ASH1L: variants seen among roughly 807,000 people sequenced by gnomAD.
The protein encoded by ASH1L is histone-lysine N-methyltransferase ASH1L.
In ASH1L, 23 loss-of-function variants were observed where a neutral mutation model predicts 269.0. That is an observed-to-expected ratio of 0.09 (90% CI 0.06 to 0.12). The LOEUF (loss-of-function observed/expected upper bound fraction) is 0.12, where lower values mean the gene tolerates loss of function less well. Among genes scored for constraint, ASH1L ranks in the 10% least tolerant of loss-of-function variants. ASH1L has a pLI of 1.00. For missense variants in ASH1L, 2,912 were observed against 3,567.8 expected (o/e 0.82, Z 4.68); for synonymous variants, 1,187 against 1,253.5 (o/e 0.95, Z 1.12).
Position 155,480,170 on chromosome 1 carries a change from T to G in ASH1L, c.2700A>C (p.Pro900=), listed in dbSNP as rs766465457. ...ACAGTACAGGTGGCTTCATCTTGACTGGTGACCTCATTTGCCTCTTAGGCC... is the reference window on the plus strand; with the variant it reads ...ACAGTACAGGTGGCTTCATCTTGACGGGTGACCTCATTTGCCTCTTAGGCC... ...RGRPKRQMRS[P]VKMKPPVLSV... Residue 900 remains proline, a synonymous_variant, in exon 3 of 28, where the codon CCA becomes CCC. Transcript: ENST00000392403. The G allele has an allele frequency of 1.9e-6, 3 of 1,614,196 alleles. No homozygotes were observed. In the South Asian group the frequency reaches 3.3e-5, roughly 18 times the overall value.
intron 2 of ASH1L, among the ~76,000 whole-genome samples, chr1:155,503,965 C>A (rs79133443): frequency 0.029 from 4,356 of 152,282 alleles, 89 homozygotes; most frequent in Non-Finnish European, 0.044. Context: ...TCAAGCCACC[C>A]ACCCACCCTG....
At chr1:155,421,230 T>TAAA (rs67434918) in intron 5 of ASH1L, among the ~76,000 whole-genome samples, 1 of 95,684 alleles carries the variant, frequency 1.0e-5, no homozygotes, top group Non-Finnish European at 2.0e-5. Flanking sequence ...TTCTGTGTCT[T>TAAA]AAAAAAAAAA....
intron 2 of ASH1L, among the ~76,000 whole-genome samples, chr1:155,498,386 C>T (rs1409851471): frequency 1.3e-5 from 2 of 152,046 alleles, no homozygotes; most frequent in Non-Finnish European, 2.9e-5. Flanking sequence ...TACAGGCACA[C>T]ACCACCATGC....
intron 5 of ASH1L, among the ~76,000 whole-genome samples, chr1:155,417,792 C>A (rs1346402617): frequency 6.6e-6 from 1 of 152,056 alleles, no homozygotes; most frequent in African/African-American, 2.4e-5. Context: ...AACCCCGTCT[C>A]TACTAAAAAT....
At chr1:155,491,698 T>A (rs1666800347) in intron 2 of ASH1L, among the ~76,000 whole-genome samples, 1 of 152,016 alleles carries the variant, frequency 6.6e-6, no homozygotes, top group Non-Finnish European at 1.5e-5. Context: ...GAGACTGAGT[T>A]TAGCTCTATC....
chr1:155,557,040 A>C (rs764355738), intron 1 of ASH1L, among the ~76,000 whole-genome samples: 1 of 152,088 alleles, frequency 6.6e-6, no homozygotes, highest in Non-Finnish European at 1.5e-5. Flanking sequence ...TGTCTCAAAA[A>C]AATTTTTTTA....
chr1:155,516,808 T>C (rs937090916), intron 2 of ASH1L, among the ~76,000 whole-genome samples: 52 of 152,042 alleles, frequency 3.4e-4, no homozygotes, highest in Non-Finnish European at 7.5e-4. Context: ...TATTTCTATA[T>C]ATTTACAATG....
At position 155,433,645 on chromosome 1, in the gene ASH1L, G is replaced by T. The variant is rs555083423; in HGVS notation, c.5828+4682C>A. ...AACAATTTGCCAAGCTCCTGAAGCA[G>T]AAGAGGATCACCCTGGGATATACAC... On this transcript the variant is annotated intron_variant, in intron 5 of 27. Transcript: ENST00000392403. The T allele has an allele frequency of 6.2e-6, 10 of 1,606,872 alleles. No individual in the cohort carries two copies. In the Admixed American group the frequency reaches 1.2e-4, roughly 19 times the overall value.
chr1:155,482,721 T>C (rs1358118934), intron 2 of ASH1L, among the ~76,000 whole-genome samples: 1 of 152,210 alleles, frequency 6.6e-6, no homozygotes, highest in Non-Finnish European at 1.5e-5. Flanking sequence ...ATTTTTGACA[T>C]TTTTTAAATG....
At chr1:155,393,597 C>T (rs1463203390) in intron 7 of ASH1L, among the ~76,000 whole-genome samples, 1 of 151,330 alleles carries the variant, frequency 6.6e-6, no homozygotes, top group Non-Finnish European at 1.5e-5. Flanking sequence ...CTCTGTCGTC[C>T]AGGCTGGAGT....
chr1:155,502,224 C>T (rs1038050922), intron 2 of ASH1L, among the ~76,000 whole-genome samples: 1 of 151,050 alleles, frequency 6.6e-6, no homozygotes, highest in African/African-American at 2.4e-5. Context: ...GCACGCACCA[C>T]CACACCCAGC....
In ASH1L at chr1:155,352,648, A is replaced by T. The variant is rs1013489714; in HGVS notation, c.7366+58T>A. The T allele has an allele frequency of 1.9e-4, 213 of 1,118,344 alleles. No individual in the cohort carries two copies. The East Asian group carries it at 3.2e-3, about 17-fold the overall frequency. 69.3% of individuals were successfully genotyped at this position (1,118,344 alleles called of 1,614,324 possible). A position where few individuals can be genotyped will look rare whatever the true frequency, so the allele number is the denominator to read the frequency against. On this transcript the variant is annotated intron_variant, in intron 17 of 27. Transcript: ENST00000392403. ...AGCAAGACCCTATCTCTATTTATTT[A>T]AAAAAAAAAGAAAAAGAAAAAGAAA...
intron 5 of ASH1L, among the ~76,000 whole-genome samples, chr1:155,435,920 G>A (rs561881098): frequency 3.3e-4 from 50 of 152,222 alleles, no homozygotes; most frequent in African/African-American, 1.2e-3. Flanking sequence ...GCATGGTGGT[G>A]CGCACCTGTA....
At chr1:155,522,817 G>A (rs1181574405) in intron 1 of ASH1L, among the ~76,000 whole-genome samples, 1 of 151,778 alleles carries the variant, frequency 6.6e-6, no homozygotes, top group African/African-American at 2.4e-5. Context: ...TTCCCGAGTA[G>A]CTGGCATTAC....
chr1:155,374,781 G>A (rs1656282162), intron 10 of ASH1L, among the ~76,000 whole-genome samples: 1 of 151,846 alleles, frequency 6.6e-6, no homozygotes, highest in African/African-American at 2.4e-5. Flanking sequence ...GGCTTCAAAT[G>A]TAACCTCTAG....
chr1:155,363,332 G>A (rs890778515), intron 12 of ASH1L, among the ~76,000 whole-genome samples: 3 of 152,008 alleles, frequency 2.0e-5, no homozygotes, highest in Non-Finnish European at 4.4e-5. Flanking sequence ...CTGGAGTACA[G>A]TGGCGCAATC....
chr1:155,338,321 G>A lies in ASH1L; in HGVS notation c.8571C>T (p.Pro2857=), dbSNP rs953956674. 16 of 1,613,922 alleles carry A rather than the reference G, an allele frequency of 9.9e-6. No individual in the cohort carries two copies. The highest frequency in any genetic ancestry group is 1.4e-5 in the Non-Finnish European group (16 of 1,180,032). ...GACTGGCTAGAACCTCTTCAATCAA[G>A]GGTAGAGCATCATCCTCCTGGCCCA... ...KDLGQEDDAL[P]LIEEVLASQE... is the part of the protein sequence containing the mutation. The change falls in exon 27 of 28, where the codon CCC becomes CCT. Residue 2857 remains proline (P), a synonymous_variant. Coordinates refer to ENST00000392403, the MANE Select transcript of ASH1L (RefSeq NM_018489.3).
At chr1:155,552,720 G>A (rs1671303618) in intron 1 of ASH1L, among the ~76,000 whole-genome samples, 1 of 152,086 alleles carries the variant, frequency 6.6e-6, no homozygotes, top group Non-Finnish European at 1.5e-5. Context: ...TCACATGTGA[G>A]AAAAGATAAA....
intron 1 of ASH1L, among the ~76,000 whole-genome samples, chr1:155,560,296 G>A (rs1296619449): frequency 6.6e-6 from 1 of 152,144 alleles, no homozygotes; most frequent in Non-Finnish European, 1.5e-5. Flanking sequence ...AAAAGGATAA[G>A]TGACCCCAAA....
Sources: allele counts gnomAD v4.1 joint callset (sites outside exome capture counted in the v4.1 genomes callset), GRCh38; gene constraint gnomAD v4.1.1; transcripts MANE v1.5; gene names NCBI Gene and HGNC (gene_info 2026-07-23, HGNC 2026-07-21).